Variants in SLC30A6 observed in about 807,000 individuals in gnomAD.
The protein encoded by SLC30A6 is solute carrier family 30 member 6, also known as zinc transporter 6.
SLC30A6 carries 55 observed loss-of-function variants against 63.0 expected under a neutral mutation model. That is an observed-to-expected ratio of 0.87 (90% confidence interval 0.70 to 1.09). The LOEUF is 1.09. Among genes scored for constraint, SLC30A6 ranks in the 50% least tolerant of loss-of-function variants. The pLI is 0.00. For synonymous variants in SLC30A6, 224 were observed against 186.1 expected (o/e 1.20, Z -1.66); for missense variants, 587 against 549.2 (o/e 1.07, Z -0.69).
At chr2:32,194,422 A>G (rs1573338612) in intron 8 of SLC30A6, among the ~76,000 whole-genome samples, 2 of 152,350 alleles carry the variant, frequency 1.3e-5, no homozygotes, top group South Asian at 4.1e-4. Context: ...ATGGGCATAT[A>G]TGTTTGCAAG....
intron 5 of SLC30A6, chr2:32,187,037 T>G (rs909102563): frequency 5.8e-5 from 21 of 362,688 alleles, no homozygotes; most frequent in African/African-American, 4.6e-4. Context: ...AAAAATGAGT[T>G]CGGGGGAAAA....
chr2:32,188,385 C>A (rs1202815702), intron 5 of SLC30A6, among the ~76,000 whole-genome samples: 1 of 152,146 alleles, frequency 6.6e-6, no homozygotes, highest in Non-Finnish European at 1.5e-5. Context: ...GTTTTTCTGT[C>A]CCTACCCTTT....
Position 32,187,311 on chromosome 2 carries a change from A to G in SLC30A6, c.284+2973A>G, listed in dbSNP as rs138346059. 9.5e-4 allele frequency: 441 copies of G among 462,548 alleles called. 1 individual carries two copies. The highest frequency in any genetic ancestry group is 7.8e-3 in the African/African-American group (391 of 50,052). 28.7% of individuals were successfully genotyped at this position (462,548 alleles called of 1,614,324 possible). A position where few individuals can be genotyped will look rare whatever the true frequency, so the allele number is the denominator to read the frequency against. On this transcript the variant is annotated intron_variant, in intron 5 of 13. Transcript: ENST00000282587. ...GTTAAAATAATATTTATGGTAGGCAATAAAGAGCTAGCTAGAGTATTTCTG... is the reference window on the plus strand; with the variant it reads ...GTTAAAATAATATTTATGGTAGGCAGTAAAGAGCTAGCTAGAGTATTTCTG...
intron 10 of SLC30A6, among the ~76,000 whole-genome samples, chr2:32,198,768 G>A (rs1208985129): frequency 6.6e-6 from 1 of 152,134 alleles, no homozygotes; most frequent in African/African-American, 2.4e-5. Context: ...ATTTTTAATA[G>A]AGATGAGGTT....
intron 13 of SLC30A6, among the ~76,000 whole-genome samples, chr2:32,214,745 C>T (rs1328245028): frequency 1.3e-5 from 2 of 152,180 alleles, no homozygotes; most frequent in Non-Finnish European, 1.5e-5. Context: ...CATAGATTAA[C>T]GCATGCACTG....
At chr2:32,210,658 G>A (rs1372083627) in intron 13 of SLC30A6, among the ~76,000 whole-genome samples, 1 of 151,106 alleles carries the variant, frequency 6.6e-6, no homozygotes, top group Non-Finnish European at 1.5e-5. Context: ...AAACAGATAG[G>A]GTTTGATTTT....
At chr2:32,219,384 C>A (rs182090009) in intron 13 of SLC30A6, among the ~76,000 whole-genome samples, 1 of 151,738 alleles carries the variant, frequency 6.6e-6, no homozygotes, top group Non-Finnish European at 1.5e-5. Flanking sequence ...TTCCTTCTCT[C>A]CCTCTCTTCT....
At chr2:32,208,956 T>C (rs2148893394) in intron 12 of SLC30A6, among the ~76,000 whole-genome samples, 1 of 152,356 alleles carries the variant, frequency 6.6e-6, no homozygotes, top group East Asian at 1.9e-4. Context: ...AACTGGCTAC[T>C]ACTCTCAACT....
intron 11 of SLC30A6, among the ~76,000 whole-genome samples, 172 bp downstream of exon 11, chr2:32,204,864 A>C (rs1300462396): frequency 7.1e-6 from 1 of 140,198 alleles, no homozygotes; most frequent in African/African-American, 2.7e-5. Context: ...CCTAGACTGG[A>C]GTACAGTGGT....
chr2:32,204,707 C>A lies in SLC30A6; in HGVS notation c.768+15C>A. ...TCTTACTCCAGGTAAGGTGCTTCTT[C>A]CAATGCACGTGCTTAATATTAGCCA... On this transcript the variant is annotated intron_variant, in intron 11 of 13. Coordinates refer to ENST00000282587, the MANE Select transcript of SLC30A6 (RefSeq NM_017964.5). 9.3e-6 allele frequency: 14 copies of A among 1,510,184 alleles called. No homozygotes were observed. The highest frequency in any genetic ancestry group is 1.3e-5 in the Non-Finnish European group (14 of 1,092,846). 93.5% of individuals were successfully genotyped at this position (1,510,184 alleles called of 1,614,324 possible).
chr2:32,204,686 A>C lies in SLC30A6; in HGVS notation c.762A>C (p.Leu254Phe), dbSNP rs376875798. Residue 254 changes from leucine to phenylalanine, a missense_variant, in exon 11 of 14, where the codon TTA (leucine) becomes TTC (phenylalanine). Leu to Phe is a conservative substitution (Grantham distance 22, BLOSUM62 0). Transcript: ENST00000282587. ...TGAGTGTGTACAGTGGGAAAGTCTT[A>C]CTCCAGGTAAGGTGCTTCTTCCAAT... ...YPMSVYSGKV[L>F]LQTTPPHVIG... 3.9e-5 allele frequency: 62 copies of C among 1,596,738 alleles called. No individual in the cohort carries two copies. Among genetic ancestry groups the C allele is most frequent in the Non-Finnish European group, 5.1e-5 (60 of 1,168,574 alleles).
intron 13 of SLC30A6, among the ~76,000 whole-genome samples, chr2:32,209,892 A>G (rs1055716755): frequency 6.6e-6 from 1 of 152,226 alleles, no homozygotes; most frequent in South Asian, 2.1e-4. Context: ...AGATAAGACA[A>G]ATTTGTAGTC....
rs555053728 is a variant in SLC30A6, at chr2:32,181,847, G to C, written c.219-2426G>C. On this transcript the variant is annotated intron_variant, in intron 4 of 13. Transcript: ENST00000282587. ...TGTGCCACTGCACTCCAACCTGGGCGACAGAGTGAGACTCCGTCTCAAAAA... is the reference window on the plus strand; with the variant it reads ...TGTGCCACTGCACTCCAACCTGGGCCACAGAGTGAGACTCCGTCTCAAAAA... Among the ~76,000 whole-genome samples, 161 of 150,744 alleles carry C rather than the reference G, an allele frequency of 1.1e-3. 1 individual carries two copies. Among genetic ancestry groups the C allele is most frequent in the African/African-American group, 3.9e-3 (159 of 41,028 alleles).
intron 5 of SLC30A6, among the ~76,000 whole-genome samples, chr2:32,190,735 G>C (rs1273256095): frequency 1.3e-5 from 2 of 151,938 alleles, no homozygotes; most frequent in South Asian, 2.1e-4. Context: ...AGCAATTCTC[G>C]TGCCTCAGCC....
At chr2:32,166,355 T>G (rs1243547058) in intron 1 of SLC30A6, among the ~76,000 whole-genome samples, 2 of 151,766 alleles carry the variant, frequency 1.3e-5, no homozygotes, top group African/African-American at 2.4e-5. Flanking sequence ...CGTCTCACTC[T>G]GCAACTTGGC....
chr2:32,169,685 T>C (rs1048288905), intron 1 of SLC30A6, among the ~76,000 whole-genome samples: 1 of 152,148 alleles, frequency 6.6e-6, no homozygotes, highest in Non-Finnish European at 1.5e-5. Context: ...CACCGCAGAA[T>C]GGGGCTGCGA....
intron 10 of SLC30A6, chr2:32,201,881 A>T: frequency 6.9e-7 from 1 of 1,451,994 alleles, no homozygotes; most frequent in Non-Finnish European, 9.5e-7. Flanking sequence ...GATTACCTGG[A>T]TGCTCCCAAG....
intron 10 of SLC30A6, chr2:32,202,214 G>C: frequency 1.2e-6 from 1 of 818,772 alleles, no homozygotes; most frequent in East Asian, 3.6e-5. Context: ...AAGACCTTTG[G>C]TCCTGTATAT....
chr2:32,197,386 G>T lies in SLC30A6; in HGVS notation c.539G>T (p.Ser180Ile). Residue 180 changes from serine to isoleucine, a missense_variant, in exon 9 of 14, where the codon AGT (serine) becomes ATT (isoleucine). Ser to Ile is a moderately radical substitution (Grantham distance 142, BLOSUM62 -2). Coordinates refer to ENST00000282587, the MANE Select transcript of SLC30A6 (RefSeq NM_017964.5). ...CTTCAAGAGCATGTTGCAGATCTTA[G>T]TCGAAGGTAAGATGTTATGGAGTTT... ...SWLQEHVADL[S>I]RSLCGIIPGL... The T allele has an allele frequency of 6.2e-7, 1 of 1,613,012 alleles. No homozygotes were observed. The highest frequency in any genetic ancestry group is 8.5e-7 in the Non-Finnish European group (1 of 1,179,158).
Sources: gnomAD v4.1 joint callset for allele counts (sites outside exome capture counted in the v4.1 genomes callset) on GRCh38, gnomAD v4.1.1 for gene constraint, MANE v1.5 for transcripts, NCBI Gene and HGNC (gene_info 2026-07-23, HGNC 2026-07-21) for gene names.